Variants in COP1 observed in about 807,000 individuals in gnomAD.
COP1 encodes E3 ubiquitin-protein ligase COP1.
COP1 carries 24 observed loss-of-function variants against 101.3 expected under a neutral mutation model. That is an observed-to-expected ratio of 0.24 (90% CI 0.17 to 0.33). COP1 has a LOEUF of 0.33. Ranked by LOEUF, COP1 falls within the 10% of genes least tolerant of loss-of-function variation. The pLI, the probability that COP1 is intolerant of heterozygous loss-of-function variation, is 1.00. For missense variants in COP1, 663 were observed against 906.2 expected (o/e 0.73, Z 3.45); for synonymous variants, 347 against 341.9 (o/e 1.01, Z -0.17).
At chr1:176,035,725 A>C (rs1348135123) in intron 14 of COP1, among the ~76,000 whole-genome samples, 2 of 136,984 alleles carry the variant, frequency 1.5e-5, no homozygotes, top group South Asian at 2.4e-4. Context: ...AAAAAAAAAA[A>C]AAAAAAACGC....
chr1:176,056,971 C>G (rs1223883296), intron 11 of COP1, among the ~76,000 whole-genome samples: 2 of 152,210 alleles, frequency 1.3e-5, no homozygotes, highest in Non-Finnish European at 2.9e-5. Context: ...TCCTACTCAT[C>G]ATATTCACTG....
intron 1 of COP1, among the ~76,000 whole-genome samples, chr1:176,195,729 T>C (rs12755507): frequency 0.29 from 44,261 of 152,148 alleles, 7,770 homozygotes; most frequent in Middle Eastern, 0.38. Context: ...ATCATGTCCT[T>C]TGTAGCAACA....
intron 5 of COP1, among the ~76,000 whole-genome samples, chr1:176,155,239 A>G (rs922758737): frequency 3.9e-5 from 6 of 152,160 alleles, no homozygotes; most frequent in African/African-American, 1.2e-4. Flanking sequence ...AAACTAACTC[A>G]AGCAGCGATG....
chr1:176,066,388 G>T (rs990198487), intron 11 of COP1, among the ~76,000 whole-genome samples: 2 of 152,010 alleles, frequency 1.3e-5, no homozygotes, highest in African/African-American at 4.8e-5. Flanking sequence ...ACCTGAGAGG[G>T]TACAGAAAAG....
chr1:176,131,332 GAT>G (rs1190964737), intron 8 of COP1, among the ~76,000 whole-genome samples: 5 of 151,782 alleles, frequency 3.3e-5, no homozygotes, highest in Admixed American at 6.6e-5. Context: ...AGTAAAATAG[GAT>G]ATGACAATTA....
chr1:175,983,798 A>G (rs1656451917), intron 18 of COP1, among the ~76,000 whole-genome samples: 1 of 152,206 alleles, frequency 6.6e-6, no homozygotes, highest in African/African-American at 2.4e-5. Context: ...TGGGAAATAG[A>G]GCAAAGAAGA....
intron 3 of COP1, chr1:176,168,732 C>T (rs1695577000): frequency 5.7e-6 from 2 of 349,350 alleles, no homozygotes; most frequent in South Asian, 2.1e-5. Flanking sequence ...CAGAGAGGAG[C>T]AGACAGAGTA....
Position 175,966,627 on chromosome 1 carries a change from T to C in COP1, c.2134-19388A>G, listed in dbSNP as rs548226168. 3.5e-4 allele frequency among the ~76,000 whole-genome samples: 54 copies of C among 152,288 alleles called. No homozygotes were observed. The South Asian group carries it at 9.6e-3, about 27-fold the overall frequency. On this transcript the variant is annotated intron_variant, in intron 18 of 19. Coordinates refer to ENST00000367669, the MANE Select transcript of COP1 (RefSeq NM_022457.7). Reference sequence around the variant, plus strand: ...TGTCTGGGCTTCATCCTGAATTTATTAAAGCAAAATGGAAGAAAGAAGAAA... The same window carrying C: ...TGTCTGGGCTTCATCCTGAATTTATCAAAGCAAAATGGAAGAAAGAAGAAA...
At chr1:176,181,649 T>C (rs1558273507) in intron 2 of COP1, among the ~76,000 whole-genome samples, 1 of 152,186 alleles carries the variant, frequency 6.6e-6, no homozygotes, top group South Asian at 2.1e-4. Context: ...GAGACCATCC[T>C]GGCTAACATG....
At position 176,043,829 on chromosome 1, in the gene COP1, TAC is replaced by T; in HGVS notation, c.1422-13_1422-12del. 1 of 1,449,926 alleles carries T rather than the reference TAC, an allele frequency of 6.9e-7. No homozygotes were observed. Among genetic ancestry groups the T allele is most frequent in the South Asian group, 1.2e-5 (1 of 85,482 alleles). The allele number at this position is 1,449,926 out of a possible 1,614,324, so 89.8% of individuals were successfully genotyped here. A position where few individuals can be genotyped will look rare whatever the true frequency, so the allele number is the denominator to read the frequency against. On this transcript the variant is annotated splice_polypyrimidine_tract_variant and intron_variant, in intron 12 of 19. Transcript: ENST00000367669. ...CTCCAACTGATACAGCTGAAAGAAA[TAC>T]AGTTAAAAGTTACTTTACATAAAAA...
intron 8 of COP1, among the ~76,000 whole-genome samples, chr1:176,120,829 A>G (rs1304219224): frequency 6.6e-6 from 1 of 152,224 alleles, no homozygotes; most frequent in East Asian, 1.9e-4. Flanking sequence ...ATTTTAGACT[A>G]GCCTTTTATA....
In COP1 at chr1:176,206,605, TTGA is replaced by T. The variant is rs1368351118; in HGVS notation, c.371_373del (p.Ile124del). On this transcript the variant is annotated inframe_deletion, in exon 1 of 20. Transcript: ENST00000367669. ...GTCGTTGCTTTTGTCCTCGTAGGAG[TTGA>T]TGAGCCCGTTGCAGAGGGGGGCGAG... 5.0e-6 allele frequency: 8 copies of T among 1,611,270 alleles called. No individual in the cohort carries two copies. The highest frequency in any genetic ancestry group is 6.8e-6 in the Non-Finnish European group (8 of 1,179,822).
At chr1:176,133,205 T>G (rs2502844) in intron 8 of COP1, among the ~76,000 whole-genome samples, 44,703 of 127,194 alleles carry the variant, frequency 0.35, 10,806 homozygotes, top group East Asian at 0.52. Context: ...TATGTACGTA[T>G]GTACACACAT....
intron 15 of COP1, among the ~76,000 whole-genome samples, chr1:175,991,306 G>A (rs1233097786): frequency 2.0e-5 from 3 of 152,124 alleles, no homozygotes; most frequent in Non-Finnish European, 4.4e-5. Context: ...TGTACTGAAT[G>A]CTGTAGGAAA....
At chr1:176,002,398 A>T (rs1326262479) in intron 15 of COP1, among the ~76,000 whole-genome samples, 1 of 152,010 alleles carries the variant, frequency 6.6e-6, no homozygotes, top group East Asian at 1.9e-4. Flanking sequence ...GTACATGTGC[A>T]CATAGTGCAG....
chr1:175,998,063 T>TAAAAAAAAAAAAAAAAAAAA (rs57110017), intron 15 of COP1, among the ~76,000 whole-genome samples: 2 of 66,820 alleles, frequency 3.0e-5, no homozygotes, highest in African/African-American at 1.6e-4. Flanking sequence ...AGAGTATAAT[T>TAAAAAAAAAAAAAAAAAAAA]AAAAAAAAAA....
intron 9 of COP1, among the ~76,000 whole-genome samples, chr1:176,089,127 C>T (rs1680792778): frequency 6.6e-6 from 1 of 151,882 alleles, no homozygotes; most frequent in Non-Finnish European, 1.5e-5. Flanking sequence ...ATGGTGAAAC[C>T]CCGTCTCTAC....
At chr1:176,109,332 G>A (rs1169786461) in intron 9 of COP1, among the ~76,000 whole-genome samples, 1 of 152,080 alleles carries the variant, frequency 6.6e-6, no homozygotes, top group Non-Finnish European at 1.5e-5. Flanking sequence ...GTGAAAACAA[G>A]CTAAATTTCC....
chr1:176,034,605 G>T (rs1425734762), intron 14 of COP1, among the ~76,000 whole-genome samples: 1 of 152,106 alleles, frequency 6.6e-6, no homozygotes, highest in East Asian at 1.9e-4. Context: ...GGGGGCCCTG[G>T]GAGATAAAGA....
Sources: allele counts gnomAD v4.1 joint callset (sites outside exome capture counted in the v4.1 genomes callset), GRCh38; gene constraint gnomAD v4.1.1; transcripts MANE v1.5; gene names NCBI Gene and HGNC (gene_info 2026-07-23, HGNC 2026-07-21).